Variants in ARHGAP26 observed in about 807,000 individuals in gnomAD.
The protein encoded by ARHGAP26 is rho GTPase-activating protein 26.
In ARHGAP26, 38 loss-of-function variants were observed where a neutral mutation model predicts 104.8. The observed-to-expected ratio is 0.36, with a 90% CI of 0.28 to 0.48. ARHGAP26 has a LOEUF of 0.48. ARHGAP26 is among the 20% of genes least tolerant of loss of function. ARHGAP26 has a pLI of 0.99. For synonymous variants in ARHGAP26, 341 were observed against 340.0 expected, an observed-to-expected ratio of 1.00 and a Z score of -0.03; for missense variants, 704 against 947.9, an observed-to-expected ratio of 0.74 and a Z score of 3.38.
intron 13 of ARHGAP26, 94 bp from the exon 14 acceptor site, chr5:143,041,722 G>GAAAAAAA (rs34295120): frequency 2.0e-5 from 13 of 642,998 alleles, no homozygotes; most frequent in South Asian, 8.1e-5. Context: ...CTGAGAAAAT[G>GAAAAAAA]AAAAAAAAAA....
chr5:143,179,210 A>G (rs956358041), intron 20 of ARHGAP26, among the ~76,000 whole-genome samples: 6 of 152,110 alleles, frequency 3.9e-5, no homozygotes, highest in Admixed American at 2.6e-4. Flanking sequence ...ATCAGACATT[A>G]ATATACCAGC....
intron 8 of ARHGAP26, 161 bp from the exon 9 acceptor site, chr5:142,907,543 T>C: frequency 2.6e-6 from 1 of 381,946 alleles, no homozygotes; most frequent in Non-Finnish European, 4.8e-6. Flanking sequence ...ATCAGATTTC[T>C]GTCTATTCAT....
At chr5:142,930,463 A>T (rs1336803350) in intron 10 of ARHGAP26, among the ~76,000 whole-genome samples, 1 of 152,090 alleles carries the variant, frequency 6.6e-6, no homozygotes, top group Admixed American at 6.6e-5. Flanking sequence ...CCATCTTCTG[A>T]GTCATCTTTG....
chr5:142,993,465 G>A (rs183271361), intron 11 of ARHGAP26, among the ~76,000 whole-genome samples: 171 of 151,822 alleles, frequency 1.1e-3, no homozygotes, highest in Non-Finnish European at 2.2e-3. Flanking sequence ...CACCACGCCC[G>A]GCCCAATTTT....
At chr5:143,061,874 A>G (rs1786762563) in intron 17 of ARHGAP26, among the ~76,000 whole-genome samples, 1 of 152,206 alleles carries the variant, frequency 6.6e-6, no homozygotes, top group Admixed American at 6.5e-5. Flanking sequence ...TTCTTCTCTG[A>G]GTCCCTTTTT....
chr5:142,848,755 C>T (rs1750936025), intron 1 of ARHGAP26, among the ~76,000 whole-genome samples: 1 of 152,206 alleles, frequency 6.6e-6, no homozygotes, highest in South Asian at 2.1e-4. Context: ...TTTCCTGTAG[C>T]AGTCTACAAA....
rs182109472 is a variant in ARHGAP26 at position 143,162,093 on chromosome 5, C to G, written c.1988+14712C>G. On this transcript the variant is annotated intron_variant, in intron 20 of 22. Coordinates refer to ENST00000645722, the MANE Select transcript of ARHGAP26 (RefSeq NM_001135608.3). ...TGCTGGAAGGTTGGTAAATCCAAAG[C>G]TGAAGCACAAGAGAGATTTCTTCAA... 3.3e-5 allele frequency among the ~76,000 whole-genome samples: 5 copies of G among 152,140 alleles called. No individual in the cohort carries two copies. The East Asian group carries it at 9.7e-4, about 29-fold the overall frequency.
At chr5:142,881,727 A>G (rs1757027056) in intron 4 of ARHGAP26, among the ~76,000 whole-genome samples, 1 of 152,150 alleles carries the variant, frequency 6.6e-6, no homozygotes, top group Non-Finnish European at 1.5e-5. Context: ...ACAAGCAAAC[A>G]ACAGATCCAC....
At chr5:142,921,284 A>G (rs543441335) in intron 10 of ARHGAP26, among the ~76,000 whole-genome samples, 93 of 152,314 alleles carry the variant, frequency 6.1e-4, no homozygotes, top group African/African-American at 2.2e-3. Context: ...AATTCTAAAT[A>G]TCTGTCTCAG....
intron 22 of ARHGAP26, chr5:143,216,394 C>G: frequency 4.5e-6 from 2 of 442,206 alleles, no homozygotes; most frequent in Admixed American, 2.4e-5. Flanking sequence ...TCCCATTGCT[C>G]TGAGAATTAC....
Position 143,225,607 on chromosome 5 carries a change from T to C in ARHGAP26, c.*3161T>C, listed in dbSNP as rs853158. 0.34 allele frequency: 73,884 copies of C among 217,586 alleles called. 13,109 individuals are homozygous for C. Among genetic ancestry groups the C allele is most frequent in the African/African-American group, 0.46 (20,400 of 44,400 alleles). 13.5% of individuals were successfully genotyped at this position (217,586 alleles called of 1,614,324 possible). On this transcript the variant is annotated 3_prime_UTR_variant, in exon 23 of 23. Coordinates refer to ENST00000645722, the MANE Select transcript of ARHGAP26 (RefSeq NM_001135608.3). ...GCCTCACGAAGCATCCCTGTAGACATTTGGCCCCAGCTTCACTGCTTGGAA... is the reference window on the plus strand; with the variant it reads ...GCCTCACGAAGCATCCCTGTAGACACTTGGCCCCAGCTTCACTGCTTGGAA...
chr5:143,190,064 G>A (rs1805726666), intron 20 of ARHGAP26, among the ~76,000 whole-genome samples: 1 of 151,356 alleles, frequency 6.6e-6, no homozygotes, highest in Admixed American at 6.6e-5. Context: ...GGTTTCTGGG[G>A]TTCAGAATGC....
At chr5:143,201,931 G>A (rs894913342) in intron 20 of ARHGAP26, among the ~76,000 whole-genome samples, 1 of 152,160 alleles carries the variant, frequency 6.6e-6, no homozygotes, top group African/African-American at 2.4e-5. Context: ...ATGTCTGTTA[G>A]GTCCGCTTGG....
intron 1 of ARHGAP26, among the ~76,000 whole-genome samples, chr5:142,869,281 A>G (rs866253498): frequency 1.4e-5 from 2 of 147,072 alleles, no homozygotes; most frequent in Middle Eastern, 3.2e-3. Context: ...ACCTCGGCTC[A>G]CTGCAGCCTC....
chr5:142,771,470 T>G (rs1000013012), intron 1 of ARHGAP26: 8 of 1,168,670 alleles, frequency 6.8e-6, no homozygotes, highest in Non-Finnish European at 6.4e-6. Context: ...TGCGATTCCT[T>G]GGAGTATTGG....
intron 10 of ARHGAP26, among the ~76,000 whole-genome samples, chr5:142,922,715 C>T (rs1763365383): frequency 6.6e-6 from 1 of 152,172 alleles, no homozygotes; most frequent in African/African-American, 2.4e-5. Context: ...ATTTCACTGT[C>T]CTGTGTGTGC....
intron 1 of ARHGAP26, among the ~76,000 whole-genome samples, chr5:142,782,111 G>A (rs942776821): frequency 6.6e-6 from 1 of 152,208 alleles, no homozygotes; most frequent in African/African-American, 2.4e-5. Context: ...AGAGGAGTTA[G>A]GGGCATCTCC....
At chr5:142,963,976 A>G (rs970390875) in intron 11 of ARHGAP26, among the ~76,000 whole-genome samples, 10 of 152,250 alleles carry the variant, frequency 6.6e-5, no homozygotes, top group Non-Finnish European at 1.3e-4. Flanking sequence ...GTTAAGTTAT[A>G]ATGATTTTTT....
intron 5 of ARHGAP26, among the ~76,000 whole-genome samples, chr5:142,890,937 T>C (rs1266208532): frequency 6.6e-6 from 1 of 152,146 alleles, no homozygotes; most frequent in Non-Finnish European, 1.5e-5. Context: ...TCTGTTTTCC[T>C]TATAGGGATT....
Sources: allele counts gnomAD v4.1 joint callset (sites outside exome capture counted in the v4.1 genomes callset), GRCh38; gene constraint gnomAD v4.1.1; transcripts MANE v1.5; gene names NCBI Gene and HGNC (gene_info 2026-07-23, HGNC 2026-07-21).